Variants in GBE1 observed in about 807,000 individuals in gnomAD.
The protein encoded by GBE1 is 1,4-alpha-glucan-branching enzyme.
GBE1 carries 70 observed loss-of-function variants against 88.8 expected under a neutral mutation model. The ratio of observed to expected loss-of-function variants is 0.79; its 90% CI spans 0.65 to 0.96. The LOEUF (loss-of-function observed/expected upper bound fraction) is 0.96, where lower values mean the gene tolerates loss of function less well. GBE1 is among the 40% of genes least tolerant of loss of function. The pLI, the probability that GBE1 is intolerant of heterozygous loss-of-function variation, is 0.00. For missense variants in GBE1, 872 were observed against 871.0 expected, an observed-to-expected ratio of 1.00 and a Z score of -0.01; for synonymous variants, 284 against 300.1, an observed-to-expected ratio of 0.95 and a Z score of 0.56.
chr3:81,593,708 T>C (rs1228939151), intron 8 of GBE1, among the ~76,000 whole-genome samples, 200 bp downstream of exon 8: 1 of 152,146 alleles, frequency 6.6e-6, no homozygotes, highest in Non-Finnish European at 1.5e-5. Flanking sequence ...TTATAGCATA[T>C]TCAGCAGATA....
At chr3:81,664,370 C>G (rs1705079263) in intron 3 of GBE1, among the ~76,000 whole-genome samples, 1 of 147,512 alleles carries the variant, frequency 6.8e-6, no homozygotes, top group African/African-American at 2.5e-5. Flanking sequence ...GGATTGAAGG[C>G]TTAAAGAATG....
intron 7 of GBE1, among the ~76,000 whole-genome samples, chr3:81,636,229 C>A (rs1704589846): frequency 6.6e-6 from 1 of 152,138 alleles, no homozygotes; most frequent in African/African-American, 2.4e-5. Flanking sequence ...GAAGCTAACT[C>A]TACTTTATTT....
At chr3:81,706,206 T>C (rs2107169846) in intron 1 of GBE1, among the ~76,000 whole-genome samples, 2 of 152,194 alleles carry the variant, frequency 1.3e-5, no homozygotes, top group Middle Eastern at 6.8e-3. Flanking sequence ...AAAAAACAGG[T>C]AGTGGGCCAG....
At chr3:81,566,041 T>C (rs981019200) in intron 12 of GBE1, among the ~76,000 whole-genome samples, 2 of 152,212 alleles carry the variant, frequency 1.3e-5, no homozygotes, top group Non-Finnish European at 2.9e-5. Context: ...TTGCTTTGTT[T>C]GTTACGGGAA....
chr3:81,732,075 T>A (rs368886442), intron 1 of GBE1, among the ~76,000 whole-genome samples: 1 of 152,058 alleles, frequency 6.6e-6, no homozygotes, highest in African/African-American at 2.4e-5. Flanking sequence ...ATGAAGACAA[T>A]TGTCTGCTTT....
chr3:81,713,636 G>T (rs7620240), intron 1 of GBE1, among the ~76,000 whole-genome samples: 58,695 of 151,874 alleles, frequency 0.39, 11,706 homozygotes, highest in East Asian at 0.52. Context: ...GCAATGAAAA[G>T]AATTTTTTAA....
At position 81,612,405 on chromosome 3, in the gene GBE1, T is replaced by C. The variant is rs550151997; in HGVS notation, c.993-18382A>G. ...TTAGGATGAAATTCTTTGGGAATAA[T>C]TTTATTTTCAAAGTAAGGATTTTCA... is the stretch of plus-strand genomic sequence containing the variant. On this transcript the variant is annotated intron_variant, in intron 7 of 15. Transcript: ENST00000429644. 24 of 856,822 alleles carry C rather than the reference T, an allele frequency of 2.8e-5. No homozygotes were observed. The African/African-American group carries it at 3.7e-4, about 13-fold the overall frequency. 53.1% of individuals were successfully genotyped at this position (856,822 alleles called of 1,614,324 possible). A position where few individuals can be genotyped will look rare whatever the true frequency, so the allele number is the denominator to read the frequency against.
chr3:81,510,758 G>C (rs1477334513), intron 14 of GBE1, among the ~76,000 whole-genome samples: 1 of 151,958 alleles, frequency 6.6e-6, no homozygotes, highest in Non-Finnish European at 1.5e-5. Context: ...TAAGCAAAGG[G>C]AGTTTTAAAC....
At chr3:81,720,262 A>G (rs557176012) in intron 1 of GBE1, among the ~76,000 whole-genome samples, 3 of 151,882 alleles carry the variant, frequency 2.0e-5, no homozygotes, top group African/African-American at 4.8e-5. Flanking sequence ...CCTTATATCT[A>G]TATCTATCTA....
intron 2 of GBE1, among the ~76,000 whole-genome samples, chr3:81,694,585 G>A (rs141206758): frequency 1.6e-4 from 25 of 152,212 alleles, no homozygotes; most frequent in South Asian, 4.1e-4. Context: ...AAGGGAGCTC[G>A]GCTTGGAAAT....
chr3:81,618,514 A>T (rs758397520), intron 7 of GBE1, among the ~76,000 whole-genome samples: 1 of 152,076 alleles, frequency 6.6e-6, no homozygotes, highest in Non-Finnish European at 1.5e-5. Context: ...GAAAAGGATC[A>T]TTTTCGTGTT....
At chr3:81,494,625 G>A (rs1025241860) in intron 15 of GBE1, among the ~76,000 whole-genome samples, 5 of 151,920 alleles carry the variant, frequency 3.3e-5, no homozygotes, top group African/African-American at 9.7e-5. Context: ...ACCTAGAATC[G>A]CCTTAAGAAC....
intron 7 of GBE1, among the ~76,000 whole-genome samples, chr3:81,610,196 T>C (rs774058151): frequency 5.3e-5 from 8 of 152,162 alleles, no homozygotes; most frequent in Non-Finnish European, 7.4e-5. Flanking sequence ...CCTAGAGCAA[T>C]AGCAGTACTA....
rs192868758 is a variant in GBE1 at position 81,590,342 on chromosome 3, C to T, written c.1236+695G>A. Among the ~76,000 whole-genome samples, 409 of 152,034 alleles carry T rather than the reference C, an allele frequency of 2.7e-3. 1 individual carries two copies. Among genetic ancestry groups the T allele is most frequent in the South Asian group, 5.4e-3 (26 of 4,824 alleles). On this transcript the variant is annotated intron_variant, in intron 9 of 15. Transcript: ENST00000429644. ...CTTTGTATAGAACAGTTTTAACATG[C>T]TAAATTCAATTTTAATAATAATTCC...
At chr3:81,556,442 C>T (rs1340283776) in intron 12 of GBE1, among the ~76,000 whole-genome samples, 1 of 151,856 alleles carries the variant, frequency 6.6e-6, no homozygotes, top group African/African-American at 2.4e-5. Context: ...AAAAAGGAAA[C>T]TTTATTTCTT....
Position 81,591,239 on chromosome 3 carries a change from ATTAG to A in GBE1, c.1109-79_1109-76del. 4 of 1,155,786 alleles carry A rather than the reference ATTAG, an allele frequency of 3.5e-6. No individual in the cohort carries two copies. In the South Asian group the frequency reaches 7.3e-5, roughly 21 times the overall value. 71.6% of individuals were successfully genotyped at this position (1,155,786 alleles called of 1,614,324 possible). ...TAACTCTGCACAAATACATTCACCAATTAGTTTGTTTATATGAATTTTGTTATTG... is the reference window on the plus strand; with the variant it reads ...TAACTCTGCACAAATACATTCACCAATTTGTTTATATGAATTTTGTTATTG... On this transcript the variant is annotated intron_variant, in intron 8 of 15. Coordinates refer to ENST00000429644, the MANE Select transcript of GBE1 (RefSeq NM_000158.4).
chr3:81,685,336 GTTTTGT>G lies in GBE1; in HGVS notation c.314-14389_314-14384del. Among the ~76,000 whole-genome samples, 2 of 151,844 alleles carry G rather than the reference GTTTTGT, an allele frequency of 1.3e-5. 1 individual carries two copies. The highest frequency in any genetic ancestry group is 3.9e-4 in the East Asian group (2 of 5,162). ...GTTTTTTGTTGTTGTTGTTGTTGTTGTTTTGTTTTTGTTTGTTTTTCTCTTGTTCAA... is the reference window on the plus strand; with the variant it reads ...GTTTTTTGTTGTTGTTGTTGTTGTTGTTTTGTTTGTTTTTCTCTTGTTCAA... On this transcript the variant is annotated intron_variant, in intron 2 of 15. Coordinates refer to ENST00000429644, the MANE Select transcript of GBE1 (RefSeq NM_000158.4).
chr3:81,702,264 C>CT (rs919329699), intron 2 of GBE1, among the ~76,000 whole-genome samples: 6 of 151,400 alleles, frequency 4.0e-5, no homozygotes, highest in East Asian at 1.9e-4. Context: ...ACGTGTATAT[C>CT]TTTTTTTACA....
At chr3:81,706,463 G>C (rs1327707854) in intron 1 of GBE1, among the ~76,000 whole-genome samples, 2 of 152,020 alleles carry the variant, frequency 1.3e-5, no homozygotes. Context: ...GGAAAAACTT[G>C]GTAAAACTGG....
Sources: gnomAD v4.1 joint callset for allele counts (sites outside exome capture counted in the v4.1 genomes callset) on GRCh38, gnomAD v4.1.1 for gene constraint, MANE v1.5 for transcripts, NCBI Gene and HGNC (gene_info 2026-07-23, HGNC 2026-07-21) for gene names.